Variants in CFAP206 observed in about 807,000 individuals in gnomAD.
The protein encoded by CFAP206 is cilia and flagella associated protein 206.
In CFAP206, 53 loss-of-function variants were observed where a neutral mutation model predicts 65.4. The ratio of observed to expected loss-of-function variants is 0.81; its 90% CI spans 0.65 to 1.02. The LOEUF is 1.02. Among genes scored for constraint, CFAP206 ranks in the 50% least tolerant of loss-of-function variants. The probability of loss-of-function intolerance (pLI) is 0.00; values close to 1 mark genes in which losing one functional copy is unlikely to be tolerated. For missense variants in CFAP206, 663 were observed against 753.2 expected (o/e 0.88, Z 1.40); for synonymous variants, 250 against 254.4 (o/e 0.98, Z 0.17).
Position 87,434,851 on chromosome 6 carries a change from TA to T in CFAP206, c.1301-8del, listed in dbSNP as rs1411690850. 4 of 1,292,588 alleles carry T rather than the reference TA, an allele frequency of 3.1e-6. No individual in the cohort carries two copies. Among genetic ancestry groups the T allele is most frequent in the Non-Finnish European group, 3.2e-6 (3 of 930,144 alleles). The allele number at this position is 1,292,588 out of a possible 1,614,324, so 80.1% of individuals were successfully genotyped here. On this transcript the variant is annotated splice_polypyrimidine_tract_variant and splice_region_variant and intron_variant, in intron 10 of 12. Coordinates refer to ENST00000369562, the MANE Select transcript of CFAP206 (RefSeq NM_001031743.3). ...GACATTTCATATCTAATTCTTTTTT[TA>T]TTTTCAGGAAATCCAGCAATTGGAA...
chr6:87,451,916 C>T (rs1023035027), intron 11 of CFAP206, among the ~76,000 whole-genome samples: 3 of 152,026 alleles, frequency 2.0e-5, no homozygotes, highest in African/African-American at 2.4e-5. Context: ...AGGGGAGGCC[C>T]GGTCCTGGCA....
At chr6:87,452,251 T>C (rs996469937) in intron 11 of CFAP206, among the ~76,000 whole-genome samples, 2 of 152,230 alleles carry the variant, frequency 1.3e-5, no homozygotes, top group African/African-American at 2.4e-5. Context: ...ACGGTCACAG[T>C]GTTACTGGGC....
intron 11 of CFAP206, among the ~76,000 whole-genome samples, chr6:87,458,438 T>C (rs1768687049): frequency 1.3e-5 from 2 of 152,010 alleles, no homozygotes; most frequent in African/African-American, 4.8e-5. Context: ...CAAAGACAAC[T>C]GGATAAAGAA....
intron 2 of CFAP206, among the ~76,000 whole-genome samples, 193 bp downstream of exon 2, chr6:87,410,140 A>G (rs1185521151): frequency 3.3e-5 from 5 of 152,238 alleles, no homozygotes; most frequent in Non-Finnish European, 7.3e-5. Context: ...TTATAGAGAC[A>G]TTTAGAAGAC....
In CFAP206 at chr6:87,418,416, G is replaced by T; in HGVS notation, c.840G>T (p.Leu280Phe). The change falls in exon 7 of 13, where the codon TTG (leucine) becomes TTT (phenylalanine). Residue 280 changes from leucine to phenylalanine, a missense_variant and splice_region_variant. Leu to Phe is a conservative substitution (Grantham distance 22). Transcript: ENST00000369562. ...ATGAGGTCTTCCTTCAGATCATTTT[G>T]GTGAGTTAAGTTCATAAGACCTGAC... The part of the protein sequence containing the change: ...RQYEVFLQII[L>F]SDIITGAQEV... The T allele has an allele frequency of 6.2e-7, 1 of 1,613,358 alleles. No homozygotes were observed. The highest frequency in any genetic ancestry group is 8.5e-7 in the Non-Finnish European group (1 of 1,179,524).
chr6:87,453,869 A>G (rs1768586118), intron 11 of CFAP206, among the ~76,000 whole-genome samples: 1 of 152,206 alleles, frequency 6.6e-6, no homozygotes, highest in Admixed American at 6.5e-5. Flanking sequence ...CAAAATGGCA[A>G]TAACAAACCC....
intron 5 of CFAP206, 73 bp downstream of exon 5, chr6:87,415,947 T>C: frequency 8.6e-7 from 1 of 1,160,548 alleles, no homozygotes; most frequent in South Asian, 2.8e-5. Context: ...ACATGTTAAA[T>C]TAGAAGTGTT....
Position 87,418,374 on chromosome 6 carries a change from A to G in CFAP206, c.798A>G (p.Leu266=). 3 of 1,614,196 alleles carry G rather than the reference A, an allele frequency of 1.9e-6. No individual in the cohort carries two copies. The highest frequency in any genetic ancestry group is 1.7e-4 in the Middle Eastern group (1 of 6,058). Reference sequence around the variant, plus strand: ...AGCCATATATGTTAAAAGAAGCGCTATATAATATACGACAATATGAGGTCT... The same window carrying G: ...AGCCATATATGTTAAAAGAAGCGCTGTATAATATACGACAATATGAGGTCT... ...ELQPYMLKEA[L]YNIRQYEVFL... The change falls in exon 7 of 13, where the codon CTA becomes CTG. Residue 266 remains leucine (L), a synonymous_variant. Transcript: ENST00000369562.
At chr6:87,453,542 T>G (rs920987370) in intron 11 of CFAP206, among the ~76,000 whole-genome samples, 1 of 152,090 alleles carries the variant, frequency 6.6e-6, no homozygotes. Context: ...CATAGTATAA[T>G]AAGATTTAAA....
intron 12 of CFAP206, among the ~76,000 whole-genome samples, chr6:87,463,747 ATAAC>A (rs1489741180): frequency 6.6e-6 from 1 of 152,222 alleles, no homozygotes; most frequent in East Asian, 1.9e-4. Flanking sequence ...ATATTAATAA[ATAAC>A]TGGTTGAGTT....
rs1223853313 is a variant in CFAP206, at chr6:87,428,640, A to G, written c.975A>G (p.Ala325=). ...PTSQVFPIFI[A]LSTLWTSLQD... ...CTCTTCCTCAGCCTATCTTCATTGCACTTTCTACTCTGTGGACCAGCTTGC... is the reference window on the plus strand; with the variant it reads ...CTCTTCCTCAGCCTATCTTCATTGCGCTTTCTACTCTGTGGACCAGCTTGC... The change falls in exon 9 of 13, where the codon GCA becomes GCG. Residue 325 remains alanine (A), a synonymous_variant. Transcript: ENST00000369562. 1 of 1,613,920 alleles carries G rather than the reference A, an allele frequency of 6.2e-7. No homozygotes were observed. Among genetic ancestry groups the G allele is most frequent in the Non-Finnish European group, 8.5e-7 (1 of 1,179,986 alleles).
intron 11 of CFAP206, among the ~76,000 whole-genome samples, chr6:87,445,675 A>G (rs751075636): frequency 1.6e-4 from 25 of 152,202 alleles, no homozygotes; most frequent in Non-Finnish European, 2.8e-4. Flanking sequence ...ATACACATGC[A>G]TGTATCTTTA....
intron 11 of CFAP206, among the ~76,000 whole-genome samples, chr6:87,443,883 T>G (rs1361011595): frequency 6.6e-6 from 1 of 152,180 alleles, no homozygotes; most frequent in African/African-American, 2.4e-5. Flanking sequence ...GTATTTGGTT[T>G]TCTGTTCCGG....
At chr6:87,420,063 G>A (rs1039359259) in intron 7 of CFAP206, among the ~76,000 whole-genome samples, 1 of 152,076 alleles carries the variant, frequency 6.6e-6, no homozygotes, top group Non-Finnish European at 1.5e-5. Context: ...GGTAGCCAAG[G>A]AAGACCCCAT....
At chr6:87,421,432 G>C (rs1767939424) in intron 7 of CFAP206, among the ~76,000 whole-genome samples, 1 of 152,182 alleles carries the variant, frequency 6.6e-6, no homozygotes, top group African/African-American at 2.4e-5. Context: ...GTTGCAGTGA[G>C]CTGAGATCGT....
chr6:87,464,062 C>T lies in CFAP206; in HGVS notation c.1681C>T (p.Leu561Phe), dbSNP rs375179472. ...AGTTACTCACTCAGTACAAACTGAT[C>T]TTAGTCACTTGAGAAGAGAAAATTG... ...QKVTHSVQTD[L>F]SHLRRENCSQ... is the part of the protein sequence containing the mutation. The change falls in exon 13 of 13, where the codon CTT (leucine) becomes TTT (phenylalanine). Residue 561 changes from leucine to phenylalanine, a missense_variant. Coordinates refer to ENST00000369562, the MANE Select transcript of CFAP206 (RefSeq NM_001031743.3). 9 of 1,613,958 alleles carry T rather than the reference C, an allele frequency of 5.6e-6. No homozygotes were observed. Among genetic ancestry groups the T allele is most frequent in the Middle Eastern group, 1.6e-4 (1 of 6,084 alleles).
chr6:87,421,472 T>TGA (rs1767940481), intron 7 of CFAP206, among the ~76,000 whole-genome samples: 1 of 151,730 alleles, frequency 6.6e-6, no homozygotes, highest in African/African-American at 2.4e-5. Context: ...GGCGACAGAG[T>TGA]GAGACACTGT....
intron 8 of CFAP206, 90 bp from the exon 9 acceptor site, chr6:87,428,536 C>A (rs866475168): frequency 2.4e-6 from 3 of 1,267,104 alleles, no homozygotes; most frequent in Non-Finnish European, 3.4e-6. Context: ...AACTTCTTTA[C>A]AAATGACAAT....
At chr6:87,442,140 C>T (rs1420733812) in intron 11 of CFAP206, 1 of 159,634 alleles carries the variant, frequency 6.3e-6, no homozygotes, top group African/African-American at 2.4e-5. Flanking sequence ...AACTGTGCAA[C>T]TTCCATCATC....
Sources: allele counts gnomAD v4.1 joint callset (sites outside exome capture counted in the v4.1 genomes callset), GRCh38; gene constraint gnomAD v4.1.1; transcripts MANE v1.5; gene names NCBI Gene and HGNC (gene_info 2026-07-23, HGNC 2026-07-21).